Variants in TMC1 observed in about 807,000 individuals in gnomAD.
TMC1 encodes the protein transmembrane channel-like protein 1.
In TMC1, 84 loss-of-function variants were observed where a neutral mutation model predicts 105.8. The observed-to-expected ratio is 0.79, with a 90% CI of 0.67 to 0.95. The LOEUF (loss-of-function observed/expected upper bound fraction) is 0.95. Ranked by LOEUF, TMC1 falls within the 40% of genes least tolerant of loss-of-function variation. The probability of loss-of-function intolerance (pLI) is 0.00; values close to 1 mark genes in which losing one functional copy is unlikely to be tolerated. For missense variants in TMC1, 817 were observed against 914.1 expected, an observed-to-expected ratio of 0.89 and a Z score of 1.37; for synonymous variants, 315 against 311.5, an observed-to-expected ratio of 1.01 and a Z score of -0.12.
intron 1 of TMC1, among the ~76,000 whole-genome samples, chr9:72,532,973 C>T (rs989529713): frequency 6.6e-6 from 1 of 152,180 alleles, no homozygotes; most frequent in African/African-American, 2.4e-5. Flanking sequence ...GATCCTGTTT[C>T]AGTGACAAAC....
In TMC1 at chr9:72,788,285, A is replaced by G. The variant is rs907967911; in HGVS notation, c.885-54A>G. 11 of 1,604,698 alleles carry G rather than the reference A, an allele frequency of 6.9e-6. 1 individual carries two copies. The Admixed American group carries it at 8.3e-5, about 12-fold the overall frequency. ...ACACTCATGATCATGTTTTGTTGCT[A>G]TTTCCCCTATCTCATTTTTTCTGGC... is the stretch of plus-strand genomic sequence containing the variant. On this transcript the variant is annotated intron_variant, in intron 13 of 23. Coordinates refer to ENST00000297784, the MANE Select transcript of TMC1 (RefSeq NM_138691.3).
chr9:72,832,885 A>G (rs995259027), intron 23 of TMC1, among the ~76,000 whole-genome samples: 16 of 152,230 alleles, frequency 1.1e-4, no homozygotes, highest in Non-Finnish European at 1.9e-4. Context: ...GAAAAACAGC[A>G]TCTTCTTCTG....
At chr9:72,740,502 A>G (rs1208117462) in intron 9 of TMC1, among the ~76,000 whole-genome samples, 1 of 152,136 alleles carries the variant, frequency 6.6e-6, no homozygotes, top group African/African-American at 2.4e-5. Flanking sequence ...TTTCATTTTC[A>G]TTCTCTGGAA....
chr9:72,700,701 C>A (rs951418575), intron 8 of TMC1, 58 bp downstream of exon 8: 12 of 909,858 alleles, frequency 1.3e-5, no homozygotes, highest in African/African-American at 7.1e-5. Context: ...TTTCTAAATC[C>A]TCTGAATATT....
intron 2 of TMC1, among the ~76,000 whole-genome samples, chr9:72,607,316 G>C (rs555748151): frequency 1.3e-5 from 2 of 152,084 alleles, no homozygotes; most frequent in Non-Finnish European, 2.9e-5. Flanking sequence ...TTGAGCTAAA[G>C]CTTAGAACTA....
intron 5 of TMC1, among the ~76,000 whole-genome samples, chr9:72,672,717 AT>A (rs1190081251): frequency 2.6e-5 from 4 of 151,972 alleles, no homozygotes; most frequent in Non-Finnish European, 5.9e-5. Flanking sequence ...AATATTATCA[AT>A]CACCTTGAAT....
chr9:72,831,681 T>C (rs1356079901), intron 23 of TMC1, among the ~76,000 whole-genome samples: 6 of 152,066 alleles, frequency 3.9e-5, no homozygotes, highest in African/African-American at 1.4e-4. Flanking sequence ...AGTAAGAACA[T>C]GCGGTGTTTG....
At chr9:72,766,152 TCA>T (rs1191200739) in intron 12 of TMC1, among the ~76,000 whole-genome samples, 9 of 152,050 alleles carry the variant, frequency 5.9e-5, no homozygotes, top group Non-Finnish European at 5.9e-5. Context: ...GCGTGGTGGC[TCA>T]CACCTGTAAT....
intron 5 of TMC1, among the ~76,000 whole-genome samples, chr9:72,650,824 T>G (rs926481375): frequency 1.4e-5 from 2 of 147,750 alleles, no homozygotes; most frequent in Non-Finnish European, 3.0e-5. Flanking sequence ...CCACATAAGA[T>G]ATAATCTCGT....
At chr9:72,813,550 G>T (rs1299981142) in intron 18 of TMC1, among the ~76,000 whole-genome samples, 2 of 152,216 alleles carry the variant, frequency 1.3e-5, no homozygotes, top group Non-Finnish European at 2.9e-5. Context: ...TAAAGGGCTA[G>T]ATAGTAAGTA....
chr9:72,560,998 A>G (rs943887291), intron 1 of TMC1, among the ~76,000 whole-genome samples: 2 of 151,990 alleles, frequency 1.3e-5, no homozygotes, highest in Non-Finnish European at 2.9e-5. Flanking sequence ...TGGCAAGAGC[A>G]GGAGTATGTT....
At chr9:72,706,418 C>G (rs1301403758) in intron 8 of TMC1, among the ~76,000 whole-genome samples, 1 of 152,132 alleles carries the variant, frequency 6.6e-6, no homozygotes, top group African/African-American at 2.4e-5. Context: ...TTTTGGGGAA[C>G]AGGTGGTATT....
At chr9:72,622,204 C>G (rs923076268) in intron 3 of TMC1, among the ~76,000 whole-genome samples, 1 of 152,212 alleles carries the variant, frequency 6.6e-6, no homozygotes, top group African/African-American at 2.4e-5. Context: ...CCATACCCTC[C>G]AGCAATGGTG....
At chr9:72,618,247 T>C (rs1365182104) in intron 3 of TMC1, among the ~76,000 whole-genome samples, 1 of 152,040 alleles carries the variant, frequency 6.6e-6, no homozygotes, top group Non-Finnish European at 1.5e-5. Flanking sequence ...CAGGCTGGTC[T>C]CCTGACCTTA....
intron 2 of TMC1, among the ~76,000 whole-genome samples, chr9:72,610,777 G>C (rs1156922270): frequency 6.6e-6 from 1 of 152,218 alleles, no homozygotes; most frequent in Admixed American, 6.5e-5. Context: ...GCCTGTAGAT[G>C]AATATCTGGT....
intron 3 of TMC1, among the ~76,000 whole-genome samples, chr9:72,626,669 G>A (rs1825353465): frequency 6.6e-6 from 1 of 152,128 alleles, no homozygotes; most frequent in Non-Finnish European, 1.5e-5. Context: ...TATGGAGAGA[G>A]ATGGAGTAAG....
intron 2 of TMC1, among the ~76,000 whole-genome samples, chr9:72,584,267 C>T (rs1346875639): frequency 1.4e-5 from 2 of 138,150 alleles, no homozygotes; most frequent in African/African-American, 5.4e-5. Flanking sequence ...AATGTCACTA[C>T]TTTTTTTTTT....
chr9:72,681,094 C>G (rs1305131066), intron 5 of TMC1, among the ~76,000 whole-genome samples: 1 of 152,094 alleles, frequency 6.6e-6, no homozygotes, highest in East Asian at 1.9e-4. Flanking sequence ...GTATTTTCAT[C>G]TGGTTGTTAT....
chr9:72,639,976 G>A (rs1272566481), intron 4 of TMC1, among the ~76,000 whole-genome samples: 1 of 152,094 alleles, frequency 6.6e-6, no homozygotes, highest in Non-Finnish European at 1.5e-5. Context: ...CAATTTCATA[G>A]CCTAATTCAA....
Sources: gnomAD v4.1 joint callset for allele counts (sites outside exome capture counted in the v4.1 genomes callset) on GRCh38, gnomAD v4.1.1 for gene constraint, MANE v1.5 for transcripts, NCBI Gene and HGNC (gene_info 2026-07-23, HGNC 2026-07-21) for gene names.